Variants in AGBL1 observed in about 807,000 individuals in gnomAD.
The protein encoded by AGBL1 is cytosolic carboxypeptidase 4.
AGBL1 carries 130 observed loss-of-function variants against 118.9 expected under a neutral mutation model. The observed-to-expected ratio is 1.09, with a 90% CI of 0.95 to 1.26. The LOEUF (loss-of-function observed/expected upper bound fraction) is 1.26. AGBL1 is among the 50% of genes most tolerant of loss of function. AGBL1 has a pLI of 0.00. For missense variants in AGBL1, 1,584 were observed against 1,298.1 expected, an observed-to-expected ratio of 1.22 and a Z score of -3.38; for synonymous variants, 555 against 478.9, an observed-to-expected ratio of 1.16 and a Z score of -2.08.
At chr15:86,203,377 T>C (rs78682115) in intron 5 of AGBL1, among the ~76,000 whole-genome samples, 1,969 of 152,336 alleles carry the variant, frequency 0.013, 27 homozygotes, top group East Asian at 0.073. Flanking sequence ...TGATAACTTA[T>C]AGCTGAAAAT....
intron 18 of AGBL1, among the ~76,000 whole-genome samples, chr15:86,509,011 A>G (rs2083020132): frequency 6.6e-6 from 1 of 152,150 alleles, no homozygotes. Flanking sequence ...TTAGGTCGAA[A>G]TAAAAAGACA....
chr15:86,193,509 G>T (rs1295099641), intron 5 of AGBL1, among the ~76,000 whole-genome samples: 2 of 152,152 alleles, frequency 1.3e-5, no homozygotes, highest in Non-Finnish European at 2.9e-5. Flanking sequence ...GCCCACTTGA[G>T]ATGAAACCAC....
At chr15:86,583,908 T>C (rs1014183162) in intron 21 of AGBL1, among the ~76,000 whole-genome samples, 3 of 152,212 alleles carry the variant, frequency 2.0e-5, no homozygotes, top group Non-Finnish European at 4.4e-5. Flanking sequence ...AGGTATTTCA[T>C]TATGGTTTTG....
At chr15:86,145,343 C>G (rs940294635) in intron 3 of AGBL1, among the ~76,000 whole-genome samples, 2 of 152,190 alleles carry the variant, frequency 1.3e-5, no homozygotes, top group African/African-American at 2.4e-5. Flanking sequence ...ATTTCTCTTT[C>G]ACCAAGGAAA....
At chr15:86,606,643 T>C (rs1340576859) in intron 21 of AGBL1, among the ~76,000 whole-genome samples, 1 of 152,170 alleles carries the variant, frequency 6.6e-6, no homozygotes, top group African/African-American at 2.4e-5. Flanking sequence ...TTAGCATGCT[T>C]TGATTAAAGA....
intron 22 of AGBL1, among the ~76,000 whole-genome samples, chr15:86,756,964 A>G (rs932333949): frequency 7.0e-6 from 1 of 143,030 alleles, no homozygotes; most frequent in Non-Finnish European, 1.5e-5. Context: ...TTTTCTCCCC[A>G]TCCTCTACTC....
intron 1 of AGBL1, among the ~76,000 whole-genome samples, chr15:86,114,389 A>C (rs1002514919): frequency 8.6e-5 from 13 of 151,980 alleles, no homozygotes; most frequent in African/African-American, 2.7e-4. Flanking sequence ...TGCGTCTTCT[A>C]CTCTGGTCTG....
At chr15:86,128,765 A>G (rs975211671) in intron 1 of AGBL1, among the ~76,000 whole-genome samples, 4 of 152,186 alleles carry the variant, frequency 2.6e-5, no homozygotes, top group African/African-American at 9.6e-5. Context: ...ATCTGTACTT[A>G]TGTAGCAGAA....
chr15:86,584,289 A>G (rs1345275042), intron 21 of AGBL1, among the ~76,000 whole-genome samples: 1 of 151,970 alleles, frequency 6.6e-6, no homozygotes, highest in Non-Finnish European at 1.5e-5. Context: ...TGTTTCCTAG[A>G]TTATATTCTA....
intron 22 of AGBL1, among the ~76,000 whole-genome samples, chr15:86,712,890 C>T (rs1009429382): frequency 2.6e-4 from 40 of 152,276 alleles, no homozygotes; most frequent in African/African-American, 7.9e-4. Flanking sequence ...GGATGGGGCT[C>T]CTGCCCTCTC....
intron 17 of AGBL1, among the ~76,000 whole-genome samples, chr15:86,315,232 T>C (rs980738044): frequency 1.3e-5 from 2 of 152,190 alleles, no homozygotes; most frequent in Admixed American, 1.3e-4. Flanking sequence ...TGAAATGTAA[T>C]GTCAAGAGTT....
At chr15:86,144,550 A>C (rs1464497401) in intron 3 of AGBL1, among the ~76,000 whole-genome samples, 1 of 152,184 alleles carries the variant, frequency 6.6e-6, no homozygotes, top group Non-Finnish European at 1.5e-5. Flanking sequence ...TCCTTAGCAA[A>C]CTAAAGCAGA....
chr15:86,839,341 C>T (rs1256483965), intron 22 of AGBL1, among the ~76,000 whole-genome samples: 1 of 152,152 alleles, frequency 6.6e-6, no homozygotes, highest in Non-Finnish European at 1.5e-5. Flanking sequence ...GTCAGACAAG[C>T]AACTATTTCA....
intron 6 of AGBL1, among the ~76,000 whole-genome samples, chr15:86,234,332 C>T (rs897650776): frequency 6.6e-6 from 1 of 152,010 alleles, no homozygotes; most frequent in African/African-American, 2.4e-5. Context: ...GTGGGCAGAT[C>T]ACAAGGTCAA....
At chr15:86,700,870 G>C (rs780451509) in intron 22 of AGBL1, among the ~76,000 whole-genome samples, 2 of 152,110 alleles carry the variant, frequency 1.3e-5, no homozygotes, top group Non-Finnish European at 2.9e-5. Context: ...GAAAATGTTA[G>C]TGTTTGGCCT....
intron 21 of AGBL1, among the ~76,000 whole-genome samples, chr15:86,660,553 T>C (rs1388525328): frequency 1.3e-5 from 2 of 151,998 alleles, no homozygotes; most frequent in Non-Finnish European, 2.9e-5. Flanking sequence ...TAATCCAATA[T>C]AGTCAACACA....
At chr15:86,305,021 T>G (rs1195394834) in intron 17 of AGBL1, 1 of 152,178 alleles carries the variant, frequency 6.6e-6, no homozygotes, top group African/African-American at 2.4e-5. Flanking sequence ...GCCTTTCTCT[T>G]TCAGGATTCT....
chr15:86,819,713 C>T (rs954814009), intron 22 of AGBL1, among the ~76,000 whole-genome samples: 3 of 152,204 alleles, frequency 2.0e-5, no homozygotes, highest in African/African-American at 7.2e-5. Context: ...AATGGCTATA[C>T]TGCCCAAAGT....
chr15:86,761,102 T>TAAGGA (rs1163849496), intron 22 of AGBL1, among the ~76,000 whole-genome samples: 1 of 152,094 alleles, frequency 6.6e-6, no homozygotes, highest in Non-Finnish European at 1.5e-5. Context: ...GCCTCTTCCT[T>TAAGGA]AGACAAGTAC....
Sources: allele counts gnomAD v4.1 joint callset (sites outside exome capture counted in the v4.1 genomes callset), GRCh38; gene constraint gnomAD v4.1.1; transcripts MANE v1.5; gene names NCBI Gene and HGNC (gene_info 2026-07-23, HGNC 2026-07-21).